MTFR1: variants seen among roughly 807,000 people sequenced by gnomAD.
The protein encoded by MTFR1 is chondrocyte protein with a poly-proline region.
MTFR1 carries 28 observed loss-of-function variants against 38.8 expected under a neutral mutation model. The observed-to-expected ratio is 0.72, with a 90% confidence interval of 0.53 to 0.99. The LOEUF (loss-of-function observed/expected upper bound fraction) is 0.99. Among genes scored for constraint, MTFR1 ranks in the 50% least tolerant of loss-of-function variants. The probability of loss-of-function intolerance (pLI) is 0.00; values close to 1 mark genes in which losing one functional copy is unlikely to be tolerated. For missense variants in MTFR1, 358 were observed against 395.5 expected (o/e 0.91, Z 0.81); for synonymous variants, 145 against 137.0 (o/e 1.06, Z -0.41).
intron 3 of MTFR1, among the ~76,000 whole-genome samples, chr8:65,739,238 C>T (rs1315149428): frequency 2.0e-5 from 3 of 152,180 alleles, no homozygotes; most frequent in Admixed American, 6.5e-5. Flanking sequence ...GGCCTGGTAT[C>T]CTAGCTGAGG....
At chr8:65,706,590 G>A (rs950438431) in intron 5 of MTFR1, among the ~76,000 whole-genome samples, 3 of 152,110 alleles carry the variant, frequency 2.0e-5, no homozygotes, top group Non-Finnish European at 4.4e-5. Context: ...AGTCTTATAT[G>A]AAAATATACT....
At chr8:65,696,788 G>A (rs1040177941) in intron 4 of MTFR1, among the ~76,000 whole-genome samples, 4 of 151,518 alleles carry the variant, frequency 2.6e-5, no homozygotes, top group African/African-American at 9.7e-5. Context: ...AGCCTCCCAA[G>A]TAGCTGGGGT....
Position 65,709,109 on chromosome 8 carries a change from TAG to T in MTFR1, c.*67_*68del. On this transcript the variant is annotated 3_prime_UTR_variant, in exon 8 of 8. Coordinates refer to ENST00000262146, the MANE Select transcript of MTFR1 (RefSeq NM_014637.4). ...GATTTGTGAGGGCCAAGTTTGCTAG[TAG>T]AAATCGACACTGTTTAGTAAATACC... 1 of 1,432,940 alleles carries T rather than the reference TAG, an allele frequency of 7.0e-7. No individual in the cohort carries two copies. The highest frequency in any genetic ancestry group is 1.1e-5 in the South Asian group (1 of 87,326). 88.8% of individuals were successfully genotyped at this position (1,432,940 alleles called of 1,614,324 possible).
At chr8:65,651,416 A>G (rs939033333) in intron 1 of MTFR1, among the ~76,000 whole-genome samples, 1 of 152,174 alleles carries the variant, frequency 6.6e-6, no homozygotes, top group Non-Finnish European at 1.5e-5. Context: ...GTTTTCTTGC[A>G]GTAGTTTCAT....
intron 7 of MTFR1, 147 bp from the exon 8 acceptor site, chr8:65,708,829 A>G: frequency 2.9e-6 from 2 of 700,900 alleles, no homozygotes. Flanking sequence ...CAACCCATCA[A>G]TTTGTAAAGG....
chr8:65,692,235 T>G (rs1585784659), intron 3 of MTFR1, among the ~76,000 whole-genome samples: 1 of 152,248 alleles, frequency 6.6e-6, no homozygotes, highest in South Asian at 2.1e-4. Flanking sequence ...AAAATTATTA[T>G]TCGTTGACTT....
intron 2 of MTFR1, among the ~76,000 whole-genome samples, chr8:65,674,824 C>A (rs1402244725): frequency 6.6e-6 from 1 of 152,076 alleles, no homozygotes; most frequent in Non-Finnish European, 1.5e-5. Context: ...TTCAATAGAA[C>A]AATGCACTTT....
At chr8:65,735,117 C>T (rs375518429) in intron 3 of MTFR1, among the ~76,000 whole-genome samples, 4 of 152,242 alleles carry the variant, frequency 2.6e-5, no homozygotes, top group Non-Finnish European at 2.9e-5. Context: ...GACTAGGCTT[C>T]GGGGTGGAGC....
At chr8:65,769,201 T>A (rs185968713) in intron 3 of MTFR1, among the ~76,000 whole-genome samples, 1 of 129,796 alleles carries the variant, frequency 7.7e-6, no homozygotes, top group Non-Finnish European at 1.5e-5. Flanking sequence ...TGTGCTAAGA[T>A]CACGCCACTG....
chr8:65,760,177 T>C (rs898771362), intron 3 of MTFR1, among the ~76,000 whole-genome samples: 10 of 152,090 alleles, frequency 6.6e-5, no homozygotes, highest in African/African-American at 2.4e-4. Flanking sequence ...GAAGTAGAGG[T>C]TGCAGTGAGC....
chr8:65,643,947 G>C (rs977814629), upstream of MTFR1, among the ~76,000 whole-genome samples: 1 of 152,110 alleles, frequency 6.6e-6, no homozygotes, highest in Non-Finnish European at 1.5e-5. Context: ...TGACAGCCCA[G>C]CGACCTCCGG....
chr8:65,769,659 G>A (rs968411535), intron 3 of MTFR1, among the ~76,000 whole-genome samples: 2 of 152,180 alleles, frequency 1.3e-5, no homozygotes, highest in Admixed American at 1.3e-4. Context: ...ACTTTGGGAG[G>A]CTGACGCAGG....
chr8:65,714,911 T>C (rs1262723426), downstream of MTFR1: 1 of 152,220 alleles, frequency 6.6e-6, no homozygotes, highest in African/African-American at 2.4e-5. Context: ...TTTACTTTTA[T>C]ACAGAGTATC....
chr8:65,688,170 G>A (rs945117791), intron 3 of MTFR1, among the ~76,000 whole-genome samples: 9 of 150,612 alleles, frequency 6.0e-5, no homozygotes, highest in African/African-American at 1.5e-4. Flanking sequence ...GAAGGCTGAG[G>A]CAGGTGGATT....
At chr8:65,682,922 A>C in intron 3 of MTFR1, 6 of 985,372 alleles carry the variant, frequency 6.1e-6, no homozygotes, top group Non-Finnish European at 7.2e-6. Flanking sequence ...TTGCCTTGGC[A>C]ATGACAGTGT....
chr8:65,678,890 A>T (rs1804796458), intron 2 of MTFR1, among the ~76,000 whole-genome samples: 2 of 152,030 alleles, frequency 1.3e-5, no homozygotes, highest in African/African-American at 2.4e-5. Context: ...ATCTAAAAAA[A>T]TTTAAAAAAA....
At chr8:65,760,968 A>G (rs867339598) in intron 3 of MTFR1, among the ~76,000 whole-genome samples, 13 of 152,238 alleles carry the variant, frequency 8.5e-5, no homozygotes, top group Non-Finnish European at 1.5e-4. Flanking sequence ...AGTGACTATG[A>G]GAATTTAACT....
intron 3 of MTFR1, among the ~76,000 whole-genome samples, chr8:65,736,097 A>G (rs1267447253): frequency 1.3e-5 from 2 of 152,198 alleles, no homozygotes; most frequent in East Asian, 1.9e-4. Context: ...TAAGTTAGTC[A>G]CAGTAAGAAA....
At chr8:65,675,767 T>C (rs2129052325) in intron 2 of MTFR1, among the ~76,000 whole-genome samples, 1 of 152,352 alleles carries the variant, frequency 6.6e-6, no homozygotes, top group Non-Finnish European at 1.5e-5. Flanking sequence ...GAGGCTAATT[T>C]TAAAGCCAGG....
Sources: gnomAD v4.1 joint callset for allele counts (sites outside exome capture counted in the v4.1 genomes callset) on GRCh38, gnomAD v4.1.1 for gene constraint, MANE v1.5 for transcripts, NCBI Gene and HGNC (gene_info 2026-07-23, HGNC 2026-07-21) for gene names.